Variants in SPAG17 observed in about 807,000 individuals in gnomAD.
SPAG17 encodes the protein sperm-associated antigen 17.
SPAG17 carries 169 observed loss-of-function variants against 273.6 expected under a neutral mutation model. That is an observed-to-expected ratio of 0.62 (90% CI 0.55 to 0.70). The LOEUF is 0.70. Among genes scored for constraint, SPAG17 ranks in the 30% least tolerant of loss-of-function variants. SPAG17 has a pLI of 0.00. For synonymous variants in SPAG17, 825 were observed against 873.2 expected (o/e 0.94, Z 0.97); for missense variants, 2,557 against 2,627.8 (o/e 0.97, Z 0.59).
chr1:118,156,161 T>C (rs1434385542), intron 1 of SPAG17, among the ~76,000 whole-genome samples: 1 of 152,236 alleles, frequency 6.6e-6, no homozygotes. Flanking sequence ...CTTAATTAGA[T>C]AATACTGTTA....
intron 25 of SPAG17, among the ~76,000 whole-genome samples, chr1:118,029,847 T>G (rs1431304746): frequency 1.3e-5 from 2 of 152,208 alleles, no homozygotes; most frequent in African/African-American, 4.8e-5. Flanking sequence ...TGTTCTGCCT[T>G]TTCTTTGTCA....
At chr1:118,173,205 G>A (rs1377065223) in intron 1 of SPAG17, among the ~76,000 whole-genome samples, 2 of 151,710 alleles carry the variant, frequency 1.3e-5, no homozygotes, top group Admixed American at 6.6e-5. Context: ...ACAAATGAAT[G>A]ACCAATCAAG....
At chr1:118,100,707 G>A (rs1011471606) in intron 5 of SPAG17, among the ~76,000 whole-genome samples, 5 of 152,188 alleles carry the variant, frequency 3.3e-5, no homozygotes, top group Admixed American at 2.0e-4. Flanking sequence ...TAAAGGATGG[G>A]AAAGCCCTCT....
intron 3 of SPAG17, among the ~76,000 whole-genome samples, chr1:118,144,499 C>T (rs927134747): frequency 6.6e-6 from 1 of 152,192 alleles, no homozygotes; most frequent in Non-Finnish European, 1.5e-5. Flanking sequence ...ATAGTCCCAA[C>T]GTAGCACTTC....
At chr1:118,156,283 G>A (rs1659644568) in intron 1 of SPAG17, among the ~76,000 whole-genome samples, 1 of 152,164 alleles carries the variant, frequency 6.6e-6, no homozygotes, top group South Asian at 2.1e-4. Flanking sequence ...GCACTTTGTG[G>A]TGCCTGGCAG....
intron 3 of SPAG17, among the ~76,000 whole-genome samples, chr1:118,135,849 G>A (rs375589711): frequency 6.6e-5 from 10 of 152,328 alleles, no homozygotes; most frequent in Admixed American, 5.2e-4. Context: ...TAGACAGATA[G>A]CTTTAAGCAG....
chr1:117,972,051 T>G lies in SPAG17; in HGVS notation c.6142-4A>C, dbSNP rs1190639589. 1 of 1,595,700 alleles carries G rather than the reference T, an allele frequency of 6.3e-7. No individual in the cohort carries two copies. The highest frequency in any genetic ancestry group is 1.7e-4 in the Middle Eastern group (1 of 5,950). ...TTCCTCCAACAGAATCTTGCACCTT[T>G]GCATTAAGAAAAAATTAATAAAATG... On this transcript the variant is annotated splice_region_variant and splice_polypyrimidine_tract_variant and intron_variant, in intron 44 of 48. Transcript: ENST00000336338.
chr1:118,183,304 C>G (rs548980701), intron 1 of SPAG17, among the ~76,000 whole-genome samples: 2 of 152,250 alleles, frequency 1.3e-5, no homozygotes, highest in East Asian at 3.9e-4. Context: ...AATTCACACA[C>G]CCACAGTCAT....
chr1:118,176,227 A>G (rs900633547), intron 1 of SPAG17, among the ~76,000 whole-genome samples: 1 of 152,186 alleles, frequency 6.6e-6, no homozygotes, highest in Admixed American at 6.5e-5. Flanking sequence ...TGGCAGTAGT[A>G]AGTCCTTAAT....
intron 3 of SPAG17, among the ~76,000 whole-genome samples, chr1:118,149,773 C>A (rs975129615): frequency 6.6e-6 from 1 of 152,174 alleles, no homozygotes; most frequent in African/African-American, 2.4e-5. Flanking sequence ...TAGAAAGATT[C>A]AAAACTCTTT....
rs1362703813 is a variant in SPAG17 at position 118,008,093 on chromosome 1, G to T, written c.4538C>A (p.Thr1513Asn). 1 of 1,613,996 alleles carries T rather than the reference G, an allele frequency of 6.2e-7. No individual in the cohort carries two copies. The highest frequency in any genetic ancestry group is 8.5e-7 in the Non-Finnish European group (1 of 1,179,968). Residue 1513 changes from threonine (T) to asparagine (N), a missense_variant, in exon 31 of 49, where the codon ACC becomes AAC. Transcript: ENST00000336338. ...ANCEDSSCCA[T>N]FGDGTTIIAK... ...AATAATAGTTGTTCCATCTCCAAAG[G>T]TGGCACAGCAGCTACTGTCCTCACA... is the stretch of plus-strand genomic sequence containing the variant.
chr1:118,047,245 A>G (rs559115184), intron 20 of SPAG17, among the ~76,000 whole-genome samples: 1 of 152,302 alleles, frequency 6.6e-6, no homozygotes, highest in East Asian at 1.9e-4. Flanking sequence ...GTGGAATAGG[A>G]CTTTCCAGAA....
intron 5 of SPAG17, among the ~76,000 whole-genome samples, chr1:118,100,714 C>G (rs1656010385): frequency 1.3e-5 from 2 of 152,178 alleles, no homozygotes; most frequent in Admixed American, 1.3e-4. Context: ...TGGGAAAGCC[C>G]TCTGCTATCT....
At chr1:118,148,331 C>T (rs1659170169) in intron 3 of SPAG17, among the ~76,000 whole-genome samples, 1 of 152,136 alleles carries the variant, frequency 6.6e-6, no homozygotes, top group African/African-American at 2.4e-5. Flanking sequence ...AAACACTGAG[C>T]AACAGCAAGA....
chr1:118,115,447 C>G lies in SPAG17; in HGVS notation c.316-6G>C, dbSNP rs1384017287. The G allele has an allele frequency of 3.1e-6, 5 of 1,603,926 alleles. No homozygotes were observed. The Admixed American group carries it at 8.7e-5, about 28-fold the overall frequency. ...GCTTTTGCTGCCGTTAACACCTATA[C>G]AGAAACACAATTATTAGAAAAAGTG... On this transcript the variant is annotated splice_polypyrimidine_tract_variant and splice_region_variant and intron_variant, in intron 3 of 48. Coordinates refer to ENST00000336338, the MANE Select transcript of SPAG17 (RefSeq NM_206996.4).
intron 28 of SPAG17, among the ~76,000 whole-genome samples, chr1:118,017,930 A>T (rs1660135422): frequency 6.6e-6 from 1 of 152,212 alleles, no homozygotes; most frequent in African/African-American, 2.4e-5. Context: ...TTTCAGCAAC[A>T]TCACAGACTA....
At chr1:118,112,703 C>T (rs937882432) in intron 4 of SPAG17, among the ~76,000 whole-genome samples, 4 of 151,920 alleles carry the variant, frequency 2.6e-5, no homozygotes, top group Non-Finnish European at 5.9e-5. Flanking sequence ...AATTAGAGGC[C>T]GGCATTTGTA....
At chr1:118,161,102 A>G (rs1436763029) in intron 1 of SPAG17, among the ~76,000 whole-genome samples, 1 of 152,260 alleles carries the variant, frequency 6.6e-6, no homozygotes, top group Non-Finnish European at 1.5e-5. Flanking sequence ...AAACTAAGGG[A>G]TACACAAAAT....
chr1:118,023,522 A>G, intron 27 of SPAG17, 59 bp from the exon 28 acceptor site: 1 of 1,527,654 alleles, frequency 6.5e-7, no homozygotes, highest in Non-Finnish European at 8.9e-7. Flanking sequence ...TTGTTTAACA[A>G]TAAACGCTGT....
Sources: gnomAD v4.1 joint callset for allele counts (sites outside exome capture counted in the v4.1 genomes callset) on GRCh38, gnomAD v4.1.1 for gene constraint, MANE v1.5 for transcripts, NCBI Gene and HGNC (gene_info 2026-07-23, HGNC 2026-07-21) for gene names.